The following MED13L variants were observed in gnomAD, a reference collection of about 807,000 sequenced individuals.
MED13L encodes mediator of RNA polymerase II transcription subunit 13-like.
A neutral mutation model predicts 220.9 loss-of-function variants in MED13L; 7 were observed. The observed-to-expected ratio is 0.03, with a 90% CI of 0.02 to 0.06. The LOEUF (loss-of-function observed/expected upper bound fraction) is 0.06. Ranked by LOEUF, MED13L falls within the 10% of genes least tolerant of loss-of-function variation. MED13L has a pLI of 1.00. For synonymous variants in MED13L, 1,011 were observed against 1,015.2 expected (o/e 1.00, Z 0.08); for missense variants, 1,965 against 2,760.5 (o/e 0.71, Z 6.46).
At position 116,031,247 on chromosome 12, in the gene MED13L, T is replaced by A. The variant is rs1880716616; in HGVS notation, c.480-8646A>T. On this transcript the variant is annotated intron_variant, in intron 4 of 30. Transcript: ENST00000281928. ...CACAACACTGCCCTAGATATCCAAGTCAATGCAATAAGACAAGAAAAGAAA... is the reference window on the plus strand; with the variant it reads ...CACAACACTGCCCTAGATATCCAAGACAATGCAATAAGACAAGAAAAGAAA... 2.0e-5 allele frequency among the ~76,000 whole-genome samples: 3 copies of A among 151,816 alleles called. 1 individual carries two copies. Among genetic ancestry groups the A allele is most frequent in the Middle Eastern group, 6.3e-3 (2 of 316 alleles).
chr12:116,153,916 A>G (rs2138103499), intron 2 of MED13L, among the ~76,000 whole-genome samples: 1 of 152,302 alleles, frequency 6.6e-6, no homozygotes, highest in East Asian at 1.9e-4. Flanking sequence ...CTTCATTAAA[A>G]ACAGAAATGG....
Position 116,113,875 on chromosome 12 carries a change from A to T in MED13L, c.311-2363T>A, listed in dbSNP as rs112196888. On this transcript the variant is annotated intron_variant, in intron 2 of 30. Transcript: ENST00000281928. ...GAGGAGAGGGGGAGAGGGAGACAGA[A>T]GGGGGAGATCGATCAAGAAGGGAGA... 5.4e-3 allele frequency among the ~76,000 whole-genome samples: 697 copies of T among 130,224 alleles called. 16 individuals carry two copies. The highest frequency in any genetic ancestry group is 0.019 in the African/African-American group (656 of 34,572). 85.4% of individuals were successfully genotyped at this position (130,224 alleles called of 152,430 possible).
intron 4 of MED13L, among the ~76,000 whole-genome samples, chr12:116,077,968 G>A (rs1473906400): frequency 6.6e-6 from 1 of 151,860 alleles, no homozygotes; most frequent in African/African-American, 2.4e-5. Context: ...GCCTGGCCAA[G>A]ATGGTCTCTA....
At chr12:116,082,701 G>A (rs1424942561) in intron 4 of MED13L, 2 of 151,262 alleles carry the variant, frequency 1.3e-5, no homozygotes, top group Non-Finnish European at 2.9e-5. Flanking sequence ...AAAAAAAAAA[G>A]AACTCCATAT....
At chr12:116,109,560 T>C (rs946670044) in intron 3 of MED13L, among the ~76,000 whole-genome samples, 1 of 152,224 alleles carries the variant, frequency 6.6e-6, no homozygotes, top group Non-Finnish European at 1.5e-5. Context: ...TTTTAAAATA[T>C]ACTTTGTTCA....
chr12:116,245,348 C>T (rs532029031), intron 1 of MED13L, among the ~76,000 whole-genome samples: 3 of 152,232 alleles, frequency 2.0e-5, no homozygotes, highest in South Asian at 2.1e-4. Flanking sequence ...AACTAAAGAG[C>T]CCACCCAGAT....
chr12:116,034,645 T>A (rs1245845561), intron 4 of MED13L, among the ~76,000 whole-genome samples: 1 of 152,176 alleles, frequency 6.6e-6, no homozygotes, highest in East Asian at 1.9e-4. Context: ...AGTCTTCTCA[T>A]ATTACCTCTT....
intron 2 of MED13L, among the ~76,000 whole-genome samples, chr12:116,224,252 C>T (rs1481525238): frequency 6.6e-6 from 1 of 152,198 alleles, no homozygotes; most frequent in Non-Finnish European, 1.5e-5. Flanking sequence ...ATCAATTTCT[C>T]ATCTTTAACT....
chr12:116,058,720 T>C (rs1869181544), intron 4 of MED13L, among the ~76,000 whole-genome samples: 1 of 152,184 alleles, frequency 6.6e-6, no homozygotes, highest in African/African-American at 2.4e-5. Flanking sequence ...GAATTAAAAA[T>C]AGTCTAGCCA....
At chr12:115,962,737 A>G (rs935095442) in intron 30 of MED13L, 2 of 155,278 alleles carry the variant, frequency 1.3e-5, no homozygotes, top group Non-Finnish European at 2.9e-5. Context: ...GTCCATTTTT[A>G]AAAAAACACA....
intron 2 of MED13L, among the ~76,000 whole-genome samples, chr12:116,116,718 C>A (rs1874553468): frequency 6.6e-6 from 1 of 151,666 alleles, no homozygotes; most frequent in Non-Finnish European, 1.5e-5. Context: ...GATGCTATCC[C>A]CAGGTAGACA....
At chr12:116,107,215 GCTAA>G (rs957146765) in intron 3 of MED13L, among the ~76,000 whole-genome samples, 1 of 152,196 alleles carries the variant, frequency 6.6e-6, no homozygotes, top group African/African-American at 2.4e-5. Flanking sequence ...TAAAATTAAA[GCTAA>G]CTATGTTATC....
Position 115,977,857 on chromosome 12 carries a change from C to T in MED13L, c.5365-2119G>A, listed in dbSNP as rs546490161. Among the ~76,000 whole-genome samples the T allele has an allele frequency of 9.2e-5, 14 of 152,070 alleles. No individual in the cohort carries two copies. The South Asian group carries it at 2.7e-3, about 29-fold the overall frequency. ...AAAATTACAAAAATTTAGCGAGGCA[C>T]GGTGGCACATGCCTGTAGTCCCAGC... On this transcript the variant is annotated intron_variant, in intron 23 of 30. Transcript: ENST00000281928.
At chr12:116,096,779 T>G in intron 3 of MED13L, 27 bp from the exon 4 acceptor site, 1 of 1,562,732 alleles carries the variant, frequency 6.4e-7, no homozygotes, top group Middle Eastern at 1.7e-4. Context: ...AAGAATTACT[T>G]TTATAGTATC....
chr12:116,071,317 A>T (rs1870353634), intron 4 of MED13L, among the ~76,000 whole-genome samples: 1 of 152,258 alleles, frequency 6.6e-6, no homozygotes, highest in African/African-American at 2.4e-5. Flanking sequence ...ATCACTGTCA[A>T]GGTGTTTCAA....
In MED13L at chr12:116,008,461, A is replaced by C; in HGVS notation, c.1952T>G (p.Leu651Arg). ...SDDAEFRPPE[L>R]QGERCDAKME... Reference sequence around the variant, plus strand: ...TTTGGCATCACATCTCTCACCCTGGAGCTCTGGAGGCCTGAACTCAGCATC... The same window carrying C: ...TTTGGCATCACATCTCTCACCCTGGCGCTCTGGAGGCCTGAACTCAGCATC... Residue 651 changes from leucine (L) to arginine (R), a missense_variant, in exon 10 of 31, where the codon CTC becomes CGC. By Grantham distance (102) the Leu-to-Arg change is moderately radical. This residue lies in a region of MED13L where 818 missense variants were observed against 1,041.2 expected (regional missense o/e 0.79). Coordinates refer to ENST00000281928, the MANE Select transcript of MED13L (RefSeq NM_015335.5). 1 of 1,613,256 alleles carries C rather than the reference A, an allele frequency of 6.2e-7. No homozygotes were observed. Among genetic ancestry groups the C allele is most frequent in the Non-Finnish European group, 8.5e-7 (1 of 1,179,952 alleles).
chr12:116,130,483 A>C (rs1875972526), intron 2 of MED13L, among the ~76,000 whole-genome samples: 1 of 152,260 alleles, frequency 6.6e-6, no homozygotes, highest in Non-Finnish European at 1.5e-5. Flanking sequence ...ACGGTATCAT[A>C]AACTGAAAGG....
At chr12:116,045,238 T>C (rs760973482) in intron 4 of MED13L, among the ~76,000 whole-genome samples, 2 of 152,356 alleles carry the variant, frequency 1.3e-5, no homozygotes, top group Non-Finnish European at 1.5e-5. Flanking sequence ...TTTTGAACAC[T>C]GGTGTTCCTT....
At chr12:116,134,877 C>A (rs1876394040) in intron 2 of MED13L, among the ~76,000 whole-genome samples, 1 of 152,012 alleles carries the variant, frequency 6.6e-6, no homozygotes, top group Admixed American at 6.6e-5. Flanking sequence ...AGGATGAAAG[C>A]AACACCATGT....
Sources: allele counts gnomAD v4.1 joint callset (sites outside exome capture counted in the v4.1 genomes callset), GRCh38; gene constraint gnomAD v4.1.1; regional missense constraint gnomAD v4.1.1; transcripts MANE v1.5; gene names NCBI Gene and HGNC (gene_info 2026-07-23, HGNC 2026-07-21).